The following DPP6 variants were observed in gnomAD, a reference collection of about 807,000 sequenced individuals.
DPP6 encodes A-type potassium channel modulatory protein DPP6.
In DPP6, 69 loss-of-function variants were observed where a neutral mutation model predicts 122.6. The ratio of observed to expected loss-of-function variants is 0.56; its 90% CI spans 0.46 to 0.69. The LOEUF (loss-of-function observed/expected upper bound fraction) is 0.69, where lower values mean the gene tolerates loss of function less well. Ranked by LOEUF, DPP6 falls within the 30% of genes least tolerant of loss-of-function variation. DPP6 has a pLI of 0.00. For missense variants in DPP6, 928 were observed against 1,116.9 expected (o/e 0.83, Z 2.41); for synonymous variants, 418 against 433.1 (o/e 0.97, Z 0.43).
At chr7:154,518,717 C>T (rs1826732716) in intron 3 of DPP6, among the ~76,000 whole-genome samples, 1 of 152,130 alleles carries the variant, frequency 6.6e-6, no homozygotes, top group Non-Finnish European at 1.5e-5. Context: ...GGGAGTTGTC[C>T]CTGGTTGGTT....
the DPP6 span, among the ~76,000 whole-genome samples, chr7:153,749,653 C>G: frequency 6.6e-6 from 1 of 152,110 alleles, no homozygotes; most frequent in Non-Finnish European, 1.5e-5. The surrounding 1 kb of genome is among the most constrained non-coding windows in gnomAD (Gnocchi z 4.1). Flanking sequence ...CGCAAAAAAC[C>G]CAGATCGCCA....
chr7:153,889,070 G>T (rs1425243145), intron 1 of DPP6, among the ~76,000 whole-genome samples: 1 of 152,208 alleles, frequency 6.6e-6, no homozygotes, highest in African/African-American at 2.4e-5. Context: ...ACTTGACTCT[G>T]GACGGAGGTG....
chr7:153,873,252 G>A, the DPP6 span, among the ~76,000 whole-genome samples: 1 of 152,176 alleles, frequency 6.6e-6, no homozygotes. Flanking sequence ...TTTTCACCAG[G>A]CATCTGCCCT....
chr7:154,572,812 T>G (rs1415251067), intron 5 of DPP6, among the ~76,000 whole-genome samples: 1 of 151,906 alleles, frequency 6.6e-6, no homozygotes, highest in African/African-American at 2.4e-5. Context: ...CCCAAGTAGC[T>G]GGGATTATGG....
At chr7:153,984,939 T>C (rs1186047721) in intron 1 of DPP6, among the ~76,000 whole-genome samples, 1 of 152,196 alleles carries the variant, frequency 6.6e-6, no homozygotes, top group Non-Finnish European at 1.5e-5. Flanking sequence ...GCATATTCAG[T>C]GCACTAGGGA....
At chr7:154,450,054 A>AAATAAATAAATG (rs1345561867) in intron 2 of DPP6, among the ~76,000 whole-genome samples, 7 of 141,010 alleles carry the variant, frequency 5.0e-5, no homozygotes, top group African/African-American at 1.8e-4. Flanking sequence ...ATAAATAAAT[A>AAATAAATAAATG]AATGTGATGT....
chr7:154,573,794 C>T (rs974623843), intron 5 of DPP6, among the ~76,000 whole-genome samples: 2 of 152,310 alleles, frequency 1.3e-5, no homozygotes, highest in Admixed American at 6.5e-5. Context: ...CATATATCCA[C>T]GTTCTTGGGA....
chr7:154,746,672 T>A (rs1028602993), intron 8 of DPP6, among the ~76,000 whole-genome samples: 2 of 152,218 alleles, frequency 1.3e-5, no homozygotes, highest in African/African-American at 4.8e-5. Context: ...TCACTCAATT[T>A]TCAACTTCCC....
intron 1 of DPP6, among the ~76,000 whole-genome samples, chr7:154,396,613 G>T (rs1815110858): frequency 6.6e-6 from 1 of 152,154 alleles, no homozygotes; most frequent in Admixed American, 6.5e-5. Flanking sequence ...GCACAACTTT[G>T]GTTTCCCTGA....
intron 3 of DPP6, among the ~76,000 whole-genome samples, chr7:154,523,583 T>C (rs1445477004): frequency 1.3e-5 from 2 of 152,236 alleles, no homozygotes; most frequent in African/African-American, 2.4e-5. Flanking sequence ...TTGTTTTCTT[T>C]AAGCCTGGAT....
rs547553833 is a variant in DPP6 at position 154,794,100 on chromosome 7, G to T, written c.1158G>T (p.Val386=). ...PRMREYYITM[V]KWATSTKVAV... is the part of the protein sequence containing the mutation. ...CCAGGGAGTACTACATCACCATGGT[G>T]AAGTGGGCCACCAGCACCAAGGTCG... is the stretch of plus-strand genomic sequence containing the variant. Residue 386 remains valine, a synonymous_variant, in exon 11 of 26, where the codon GTG becomes GTT. Transcript: ENST00000377770. 6.2e-7 allele frequency: 1 copy of T among 1,613,766 alleles called. No individual in the cohort carries two copies. The highest frequency in any genetic ancestry group is 1.7e-5 in the Admixed American group (1 of 60,020).
chr7:154,033,410 TTC>T (rs1799359196), intron 1 of DPP6, among the ~76,000 whole-genome samples: 1 of 152,246 alleles, frequency 6.6e-6, no homozygotes, highest in Non-Finnish European at 1.5e-5. Flanking sequence ...CTGAGGCTGT[TTC>T]TCTGTCTCTA....
chr7:154,514,706 T>A (rs1233650688), intron 3 of DPP6, among the ~76,000 whole-genome samples: 26 of 152,244 alleles, frequency 1.7e-4, no homozygotes, highest in Non-Finnish European at 1.5e-5. Flanking sequence ...TGTTGTAGCC[T>A]GTGACAGAAC....
At chr7:154,531,027 G>A (rs1488753782) in intron 3 of DPP6, among the ~76,000 whole-genome samples, 1 of 152,066 alleles carries the variant, frequency 6.6e-6, no homozygotes, top group African/African-American at 2.4e-5. Context: ...AGAACATCAG[G>A]AAGAATAGCT....
chr7:154,419,917 G>C (rs369873015), intron 1 of DPP6, among the ~76,000 whole-genome samples: 1 of 152,178 alleles, frequency 6.6e-6, no homozygotes, highest in Non-Finnish European at 1.5e-5. Flanking sequence ...CACCATTCAC[G>C]GCAGCCGAGG....
intron 3 of DPP6, among the ~76,000 whole-genome samples, chr7:154,500,975 G>T (rs1437172520): frequency 2.5e-4 from 38 of 152,210 alleles, no homozygotes. Flanking sequence ...TGAAATCCAG[G>T]CTGAGGTGGT....
intron 3 of DPP6, among the ~76,000 whole-genome samples, chr7:154,497,687 A>AAAATTTT (rs1824871400): frequency 6.6e-6 from 1 of 152,172 alleles, no homozygotes; most frequent in Non-Finnish European, 1.5e-5. Context: ...TATTCACAAT[A>AAAATTTT]GTATCAAATA....
chr7:154,773,028 A>G (rs1796341233), intron 10 of DPP6, 86 bp downstream of exon 10: 2 of 1,378,986 alleles, frequency 1.5e-6, no homozygotes. Flanking sequence ...GATCAGATTT[A>G]TCTTACAACA....
intron 10 of DPP6, among the ~76,000 whole-genome samples, chr7:154,789,141 C>T (rs996961067): frequency 1.3e-5 from 2 of 152,200 alleles, no homozygotes; most frequent in South Asian, 4.1e-4. Context: ...ACTCTGTGTT[C>T]TGACTTTTTA....
Sources: gnomAD v4.1 joint callset for allele counts (sites outside exome capture counted in the v4.1 genomes callset) on GRCh38, gnomAD v4.1.1 for gene constraint, Gnocchi (gnomAD v3.1) non-coding constraint, MANE v1.5 for transcripts, NCBI Gene and HGNC (gene_info 2026-07-23, HGNC 2026-07-21) for gene names.